The following ALK variants were observed in gnomAD, a reference collection of about 807,000 sequenced individuals.
ALK encodes the protein ALK receptor tyrosine kinase, also known as ALK tyrosine kinase receptor.
Under a neutral mutation model 163.1 loss-of-function variants are expected in ALK, and 74 were observed. That is an observed-to-expected ratio of 0.45 (90% CI 0.38 to 0.55). ALK has a LOEUF of 0.55. Among genes scored for constraint, ALK ranks in the 20% least tolerant of loss-of-function variants. The probability of loss-of-function intolerance (pLI) is 0.00; values close to 1 mark genes in which losing one functional copy is unlikely to be tolerated. For synonymous variants in ALK, 960 were observed against 843.2 expected (o/e 1.14, Z -2.40); for missense variants, 2,063 against 2,105.3 (o/e 0.98, Z 0.39).
chr2:29,626,806 T>C (rs551283604), intron 3 of ALK, among the ~76,000 whole-genome samples: 3 of 152,318 alleles, frequency 2.0e-5, no homozygotes, highest in South Asian at 4.1e-4. Context: ...CTATGGTATT[T>C]TGTCATAGCA....
At chr2:29,807,331 T>C in intron 1 of ALK, among the ~76,000 whole-genome samples, 1 of 152,162 alleles carries the variant, frequency 6.6e-6, no homozygotes, top group East Asian at 1.9e-4. Flanking sequence ...AAGATAACCA[T>C]AGCGGTGTGA....
At chr2:29,535,160 T>C (rs1023271633) in intron 3 of ALK, among the ~76,000 whole-genome samples, 3 of 152,208 alleles carry the variant, frequency 2.0e-5, no homozygotes, top group African/African-American at 7.2e-5. Context: ...CTGGGGTCCT[T>C]TCTAACTAAG....
At chr2:29,287,900 G>A (rs1027953674) in intron 9 of ALK, among the ~76,000 whole-genome samples, 4 of 152,056 alleles carry the variant, frequency 2.6e-5, no homozygotes, top group Non-Finnish European at 5.9e-5. Context: ...CACACGAGCA[G>A]GAAATAACAT....
chr2:29,582,984 T>A (rs775563023), intron 3 of ALK, among the ~76,000 whole-genome samples: 11 of 150,622 alleles, frequency 7.3e-5, no homozygotes, highest in Non-Finnish European at 1.3e-4. Flanking sequence ...TGCCTCAGCC[T>A]CCCAAGTAGC....
chr2:29,647,302 A>T (rs1676905962), intron 3 of ALK, among the ~76,000 whole-genome samples: 1 of 151,956 alleles, frequency 6.6e-6, no homozygotes, highest in Non-Finnish European at 1.5e-5. Context: ...ACTAGGTAGA[A>T]CTCTGGGCAT....
chr2:29,228,142 G>A (rs1664069806), intron 16 of ALK, among the ~76,000 whole-genome samples: 1 of 152,198 alleles, frequency 6.6e-6, no homozygotes, highest in Non-Finnish European at 1.5e-5. Flanking sequence ...CTGGGGCTGG[G>A]CTATCTTTGG....
At chr2:29,273,162 C>T (rs919034598) in intron 11 of ALK, among the ~76,000 whole-genome samples, 2 of 152,262 alleles carry the variant, frequency 1.3e-5, no homozygotes, top group African/African-American at 4.8e-5. Context: ...CCACTCTCCT[C>T]CCATGGCCCA....
At chr2:29,627,702 T>G (rs1328931608) in intron 3 of ALK, among the ~76,000 whole-genome samples, 2 of 152,200 alleles carry the variant, frequency 1.3e-5, no homozygotes, top group African/African-American at 4.8e-5. Context: ...TACTTCAAGT[T>G]CTATGAATCA....
At position 29,921,227 on chromosome 2, in the gene ALK, C is replaced by G. The variant is rs1667996450; in HGVS notation, c.-568G>C. The G allele has an allele frequency of 4.3e-6, 1 of 234,040 alleles. No homozygotes were observed. The highest frequency in any genetic ancestry group is 2.2e-5 in the African/African-American group (1 of 45,382). 14.5% of individuals were successfully genotyped at this position (234,040 alleles called of 1,614,324 possible). A position where few individuals can be genotyped will look rare whatever the true frequency, so the allele number is the denominator to read the frequency against. The stretch of plus-strand genomic sequence containing the variant: ...GGCGGAGGCTGCCGTCTTGCGCACC[C>G]TCAAGCTATCTCTCCGCTGCGGGAA... On this transcript the variant is annotated 5_prime_UTR_variant, in exon 1 of 29. Transcript: ENST00000389048.
intron 1 of ALK, among the ~76,000 whole-genome samples, chr2:29,720,163 G>A (rs1176947969): frequency 6.6e-6 from 1 of 151,892 alleles, no homozygotes; most frequent in Non-Finnish European, 1.5e-5. Flanking sequence ...GTACAGAATG[G>A]CAGATAACTT....
intron 3 of ALK, among the ~76,000 whole-genome samples, chr2:29,543,984 G>A (rs914305164): frequency 1.3e-5 from 2 of 152,134 alleles, no homozygotes; most frequent in Admixed American, 1.3e-4. Flanking sequence ...TGCATGGATG[G>A]ATGGATTTCC....
intron 5 of ALK, among the ~76,000 whole-genome samples, chr2:29,364,981 G>C (rs1573284636): frequency 6.6e-6 from 1 of 152,158 alleles, no homozygotes; most frequent in Admixed American, 6.5e-5. Flanking sequence ...GTCTCACTGA[G>C]TCTAAACCCA....
At chr2:29,318,728 G>A (rs926915122) in intron 7 of ALK, among the ~76,000 whole-genome samples, 26 of 151,956 alleles carry the variant, frequency 1.7e-4, no homozygotes, top group East Asian at 5.8e-4. Flanking sequence ...CACCACGCCC[G>A]GCTAATTTTT....
At chr2:29,864,245 C>A (rs772549018) in intron 1 of ALK, among the ~76,000 whole-genome samples, 2 of 152,180 alleles carry the variant, frequency 1.3e-5, no homozygotes, top group African/African-American at 2.4e-5. Flanking sequence ...GCAGTCACAG[C>A]AGTCTATTCC....
chr2:29,787,070 C>T (rs1239657973), intron 1 of ALK, among the ~76,000 whole-genome samples: 2 of 152,088 alleles, frequency 1.3e-5, no homozygotes. Context: ...GCTGGGATTA[C>T]AGGCATGAGC....
intron 1 of ALK, among the ~76,000 whole-genome samples, chr2:29,863,144 C>T (rs192101175): frequency 6.6e-6 from 1 of 152,146 alleles, no homozygotes; most frequent in African/African-American, 2.4e-5. Context: ...AATGTAAGAC[C>T]TGAAACTGTA....
chr2:29,292,835 C>T (rs1666070775), intron 9 of ALK, among the ~76,000 whole-genome samples: 1 of 152,122 alleles, frequency 6.6e-6, no homozygotes, highest in Non-Finnish European at 1.5e-5. Flanking sequence ...AATATCATTC[C>T]ATGGATCAAT....
At chr2:29,611,209 C>A (rs1394397938) in intron 3 of ALK, among the ~76,000 whole-genome samples, 4 of 152,060 alleles carry the variant, frequency 2.6e-5, no homozygotes, top group African/African-American at 9.7e-5. Flanking sequence ...GCATCTTGGC[C>A]AGAGTGATAG....
At chr2:29,749,257 A>T (rs1459507463) in intron 1 of ALK, among the ~76,000 whole-genome samples, 1 of 152,162 alleles carries the variant, frequency 6.6e-6, no homozygotes, top group Non-Finnish European at 1.5e-5. Flanking sequence ...GTTTTCCAGG[A>T]AATGCTAACA....
Sources: gnomAD v4.1 joint callset for allele counts (sites outside exome capture counted in the v4.1 genomes callset) on GRCh38, gnomAD v4.1.1 for gene constraint, MANE v1.5 for transcripts, NCBI Gene and HGNC (gene_info 2026-07-23, HGNC 2026-07-21) for gene names.